The following KMT2E variants were observed in gnomAD, a reference collection of about 807,000 sequenced individuals.
KMT2E encodes the protein histone reader KMT2E.
Under a neutral mutation model 184.6 loss-of-function variants are expected in KMT2E, and 30 were observed. The ratio of observed to expected loss-of-function variants is 0.16; its 90% CI spans 0.12 to 0.22. The LOEUF (loss-of-function observed/expected upper bound fraction) is 0.22. Ranked by LOEUF, KMT2E falls within the 10% of genes least tolerant of loss-of-function variation. KMT2E has a pLI of 1.00. For missense variants in KMT2E, 2,023 were observed against 2,237.4 expected, an observed-to-expected ratio of 0.90 and a Z score of 1.93; for synonymous variants, 815 against 776.5, an observed-to-expected ratio of 1.05 and a Z score of -0.82.
chr7:105,076,002 A>T lies in KMT2E; in HGVS notation c.730-41A>T, dbSNP rs190973716. 21 of 1,467,504 alleles carry T rather than the reference A, an allele frequency of 1.4e-5. No individual in the cohort carries two copies. The East Asian group carries it at 4.3e-4, about 30-fold the overall frequency. 90.9% of individuals were successfully genotyped at this position (1,467,504 alleles called of 1,614,324 possible). ...TAATTCTTAAATATTAATTATGTCC[A>T]GTTTTTTAGGAAACTAACTAGAATT... is the stretch of plus-strand genomic sequence containing the variant. On this transcript the variant is annotated intron_variant, in intron 8 of 26. Transcript: ENST00000311117.
chr7:105,026,380 G>A (rs1340914113), intron 1 of KMT2E, among the ~76,000 whole-genome samples: 3 of 152,186 alleles, frequency 2.0e-5, no homozygotes, highest in Non-Finnish European at 4.4e-5. Context: ...TGTCGTGTGA[G>A]ATTTAAATTC....
intron 15 of KMT2E, among the ~76,000 whole-genome samples, chr7:105,098,768 T>C (rs1798529319): frequency 6.6e-6 from 1 of 152,282 alleles, no homozygotes; most frequent in South Asian, 2.1e-4. Flanking sequence ...AGACTGCTTA[T>C]AGGAAATTAC....
intron 1 of KMT2E, among the ~76,000 whole-genome samples, chr7:105,017,786 A>C (rs1009582399): frequency 3.9e-5 from 6 of 152,210 alleles, no homozygotes; most frequent in Non-Finnish European, 8.8e-5. Flanking sequence ...TTTAGAGCCT[A>C]CATTTTGATC....
chr7:105,049,941 C>T (rs2129565963), intron 3 of KMT2E, among the ~76,000 whole-genome samples: 1 of 152,206 alleles, frequency 6.6e-6, no homozygotes, highest in East Asian at 1.9e-4. Context: ...AAATTGGAGT[C>T]CTGTTCCTCC....
intron 3 of KMT2E, among the ~76,000 whole-genome samples, chr7:105,041,408 C>G (rs1287838256): frequency 2.0e-5 from 3 of 152,120 alleles, no homozygotes; most frequent in Admixed American, 6.5e-5. Context: ...GGGTTCCCCC[C>G]ACCCCCAGCA....
chr7:105,062,035 A>T, intron 3 of KMT2E, 129 bp from the exon 4 acceptor site: 1 of 648,504 alleles, frequency 1.5e-6, no homozygotes, highest in East Asian at 2.6e-5. Context: ...TAGTGTATCC[A>T]CCTGCTGTAA....
chr7:105,039,357 C>T (rs997529612), intron 2 of KMT2E: 7 of 152,192 alleles, frequency 4.6e-5, no homozygotes, highest in Non-Finnish European at 1.0e-4. Flanking sequence ...GGAAATATCA[C>T]TCAGTACTTA....
At chr7:105,040,541 A>T (rs1795835750) in intron 2 of KMT2E, among the ~76,000 whole-genome samples, 1 of 152,230 alleles carries the variant, frequency 6.6e-6, no homozygotes, top group Non-Finnish European at 1.5e-5. Context: ...ATTTTTGCAT[A>T]CTGGCACTTT....
Position 105,066,767 on chromosome 7 carries a change from C to T in KMT2E, c.457C>T (p.His153Tyr). The change falls in exon 6 of 27, where the codon CAT becomes TAT. Residue 153 changes from histidine (H) to tyrosine (Y), a missense_variant. Physicochemically the swap from His to Tyr is moderately conservative, Grantham distance 83. Around this residue, in one of 8 missense-constraint regions of KMT2E, gnomAD observed 30 missense variants for 80.6 expected, o/e 0.37. Transcript: ENST00000311117. Reference sequence around the variant, plus strand: ...TGACTGCATGGGGATTGATAGGCAGCATATTCCTGATACATATCTATGTGA... The same window carrying T: ...TGACTGCATGGGGATTGATAGGCAGTATATTCCTGATACATATCTATGTGA... ...HIDCMGIDRQ[H>Y]IPDTYLCERC... 1.2e-6 allele frequency: 2 copies of T among 1,612,166 alleles called. No individual in the cohort carries two copies. The highest frequency in any genetic ancestry group is 8.5e-7 in the Non-Finnish European group (1 of 1,179,046).
At position 105,062,231 on chromosome 7, in the gene KMT2E, A is replaced by G; in HGVS notation, c.139A>G (p.Thr47Ala). The G allele has an allele frequency of 6.2e-7, 1 of 1,613,600 alleles. No individual in the cohort carries two copies. The highest frequency in any genetic ancestry group is 1.1e-5 in the South Asian group (1 of 91,034). ...KSNSYPHQLY[T>A]SSSHHSHSYI... ...CAACAGTTATCCCCACCAGTTATAT[A>G]CCAGCAGCTCACATCATTCACACAG... Residue 47 changes from threonine to alanine, a missense_variant, in exon 4 of 27, where the codon ACC (threonine) becomes GCC (alanine). By Grantham distance (58) the Thr-to-Ala change is moderately conservative. This residue lies in a region of KMT2E where 63 missense variants were observed against 68.9 expected (regional missense o/e 0.91). Coordinates refer to ENST00000311117, the MANE Select transcript of KMT2E (RefSeq NM_182931.3).
At chr7:105,026,530 A>ATGTGTTGGT (rs1358528963) in intron 1 of KMT2E, among the ~76,000 whole-genome samples, 1 of 152,232 alleles carries the variant, frequency 6.6e-6, no homozygotes, top group East Asian at 1.9e-4. Context: ...CCTAAGGGAA[A>ATGTGTTGGT]TAACTGATGA....
At chr7:105,022,572 C>T (rs1795000818) in intron 1 of KMT2E, among the ~76,000 whole-genome samples, 1 of 151,970 alleles carries the variant, frequency 6.6e-6, no homozygotes, top group Non-Finnish European at 1.5e-5. Flanking sequence ...GTTTTTTTGA[C>T]ATTACTAATT....
At chr7:105,087,238 TAAAG>T (rs1251062227) in intron 13 of KMT2E, among the ~76,000 whole-genome samples, 105 of 146,012 alleles carry the variant, frequency 7.2e-4, no homozygotes, top group South Asian at 2.6e-3. Flanking sequence ...AGCATATATA[TAAAG>T]AGATACCATT....
chr7:105,090,111 C>T lies in KMT2E; in HGVS notation c.1461C>T (p.Thr487=), dbSNP rs777718648. ...SMENINSGYE[T]RRKKGKKDKD... ...AAAATATCAATAGTGGTTATGAGACCAGACGGAAAAAAGGAAAAAAAGACA... is the reference window on the plus strand; with the variant it reads ...AAAATATCAATAGTGGTTATGAGACTAGACGGAAAAAAGGAAAAAAAGACA... Residue 487 remains threonine, a synonymous_variant, in exon 14 of 27, where the codon ACC becomes ACT. Coordinates refer to ENST00000311117, the MANE Select transcript of KMT2E (RefSeq NM_182931.3). 3 of 1,612,892 alleles carry T rather than the reference C, an allele frequency of 1.9e-6. No homozygotes were observed. Among genetic ancestry groups the T allele is most frequent in the Non-Finnish European group, 1.7e-6 (2 of 1,179,648 alleles).
At chr7:105,070,604 G>C (rs914227492) in intron 6 of KMT2E, among the ~76,000 whole-genome samples, 1 of 135,974 alleles carries the variant, frequency 7.4e-6, no homozygotes, top group Non-Finnish European at 1.5e-5. Flanking sequence ...GCTGCACTCC[G>C]CCTGTGTGAG....
chr7:105,064,144 TG>T, intron 5 of KMT2E: 1 of 292,716 alleles, frequency 3.4e-6, no homozygotes, highest in Non-Finnish European at 6.8e-6. Context: ...AGTGGGGTTT[TG>T]TATCATTTTT....
rs1447872739 is a variant in KMT2E, at chr7:105,113,826, T to TTAATG, written c.*496_*500dup. On this transcript the variant is annotated 3_prime_UTR_variant, in exon 27 of 27. Coordinates refer to ENST00000311117, the MANE Select transcript of KMT2E (RefSeq NM_182931.3). The stretch of plus-strand genomic sequence containing the variant: ...CAGTTATTTGCAAGCAAAATGTAAT[T>TTAATG]TAATGTATAGATGATTTCTAATGTC... The TTAATG allele has an allele frequency of 1.3e-5, 2 of 155,706 alleles. No individual in the cohort carries two copies. Among genetic ancestry groups the TTAATG allele is most frequent in the Non-Finnish European group, 2.9e-5 (2 of 68,948 alleles). The allele number at this position is 155,706 out of a possible 1,614,324, so 9.6% of individuals were successfully genotyped here.
chr7:105,049,958 C>G (rs960914949), intron 3 of KMT2E, among the ~76,000 whole-genome samples: 5 of 152,070 alleles, frequency 3.3e-5, no homozygotes, highest in African/African-American at 1.2e-4. Context: ...CTCCACTTGC[C>G]CTCTGGATCT....
chr7:105,041,931 G>A (rs931741139), intron 3 of KMT2E, among the ~76,000 whole-genome samples: 2 of 152,022 alleles, frequency 1.3e-5, no homozygotes, highest in South Asian at 2.1e-4. Context: ...TCATTTAAGC[G>A]TGGCTTTGTT....
Sources: allele counts gnomAD v4.1 joint callset (sites outside exome capture counted in the v4.1 genomes callset), GRCh38; gene constraint gnomAD v4.1.1; regional missense constraint gnomAD v4.1.1; transcripts MANE v1.5; gene names NCBI Gene and HGNC (gene_info 2026-07-23, HGNC 2026-07-21).